Variants in CERS5 observed in about 807,000 individuals in gnomAD.
CERS5 encodes the protein LAG1 homolog, ceramide synthase 5.
A neutral mutation model predicts 58.9 loss-of-function variants in CERS5; 37 were observed. The ratio of observed to expected loss-of-function variants is 0.63; its 90% CI spans 0.48 to 0.83. CERS5 has a LOEUF of 0.83. CERS5 is among the 40% of genes least tolerant of loss of function. The pLI, the probability that CERS5 is intolerant of heterozygous loss-of-function variation, is 0.00. For synonymous variants in CERS5, 147 were observed against 177.8 expected, an observed-to-expected ratio of 0.83 and a Z score of 1.38; for missense variants, 398 against 489.3, an observed-to-expected ratio of 0.81 and a Z score of 1.76.
intron 1 of CERS5, among the ~76,000 whole-genome samples, chr12:50,157,632 T>G (rs1337380516): frequency 6.6e-6 from 1 of 152,072 alleles, no homozygotes; most frequent in Non-Finnish European, 1.5e-5. Context: ...TGACAAACAT[T>G]TCTGACATTA....
intron 9 of CERS5, 136 bp downstream of exon 9, chr12:50,134,410 A>G (rs1000950812): frequency 6.3e-7 from 1 of 1,599,468 alleles, no homozygotes; most frequent in African/African-American, 1.3e-5. Flanking sequence ...CGAAGAGGCG[A>G]AGACTTTGGA....
At chr12:50,153,683 G>C (rs952516549) in intron 1 of CERS5, 2 of 230,372 alleles carry the variant, frequency 8.7e-6, no homozygotes, top group Non-Finnish European at 1.8e-5. Context: ...GGCCAGGCAT[G>C]GTGGCTCACG....
chr12:50,162,609 C>CT (rs35326678), intron 1 of CERS5, among the ~76,000 whole-genome samples: 26,426 of 145,612 alleles, frequency 0.18, 2,531 homozygotes, highest in Non-Finnish European at 0.23. Context: ...CTCTCTCTCT[C>CT]TTTTTTTTTT....
chr12:50,162,184 C>CTTTTTTTTTTTTTTTTTTTTTT (rs75460499), intron 1 of CERS5, among the ~76,000 whole-genome samples: 2 of 129,368 alleles, frequency 1.5e-5, no homozygotes. Flanking sequence ...CTGATTTGTT[C>CTTTTTTTTTTTTTTTTTTTTTT]TTTTTTTTTT....
intron 2 of CERS5, 146 bp from the exon 3 acceptor site, chr12:50,143,350 G>T: frequency 2.2e-6 from 2 of 924,462 alleles, no homozygotes; most frequent in African/African-American, 1.7e-5. Context: ...GTCATTTTTA[G>T]TAAGAAATTT....
intron 1 of CERS5, chr12:50,144,668 A>C: frequency 3.2e-6 from 2 of 628,686 alleles, no homozygotes; most frequent in East Asian, 2.9e-5. Flanking sequence ...AGAAGAAAGA[A>C]ATCAGGAAGC....
Position 50,136,039 on chromosome 12 carries a change from C to A in CERS5, c.667G>T (p.Val223Phe). The change falls in exon 7 of 10, where the codon GTC (valine) becomes TTC (phenylalanine). Residue 223 changes from valine (V) to phenylalanine (F), a missense_variant. This residue lies in a region of CERS5 where 328 missense variants were observed against 384.5 expected (regional missense o/e 0.85). Coordinates refer to ENST00000317551, the MANE Select transcript of CERS5 (RefSeq NM_147190.5). The part of the protein sequence containing the change: ...DFLIMFVHHL[V>F]TIGLISFSYI... ...GAGAAGGAGATAAGCCCAATGGTGA[C>A]CAAGTGATGCACAAACATGATCAGG... 1.3e-6 allele frequency: 2 copies of A among 1,498,720 alleles called. No homozygotes were observed. Among genetic ancestry groups the A allele is most frequent in the Non-Finnish European group, 1.8e-6 (2 of 1,126,110 alleles). 92.8% of individuals were successfully genotyped at this position (1,498,720 alleles called of 1,614,324 possible). A position where few individuals can be genotyped will look rare whatever the true frequency, so the allele number is the denominator to read the frequency against.
chr12:50,130,343 A>C lies in CERS5; in HGVS notation c.*202T>G. The C allele has an allele frequency of 2.2e-6, 1 of 456,992 alleles. No individual in the cohort carries two copies. 28.3% of individuals were successfully genotyped at this position (456,992 alleles called of 1,614,324 possible). A position where few individuals can be genotyped will look rare whatever the true frequency, so the allele number is the denominator to read the frequency against. On this transcript the variant is annotated 3_prime_UTR_variant, in exon 10 of 10. Transcript: ENST00000317551. Reference sequence around the variant, plus strand: ...CAAACACACAAAAACACACAGAGCAAATAACATTACTGAAAGAACCTGGAG... The same window carrying C: ...CAAACACACAAAAACACACAGAGCACATAACATTACTGAAAGAACCTGGAG...
intron 5 of CERS5, 106 bp downstream of exon 5, chr12:50,138,461 A>G (rs1951803724): frequency 1.1e-6 from 1 of 941,926 alleles, no homozygotes. Context: ...CTAATCCCTC[A>G]ATCCCAAGGA....
intron 4 of CERS5, 93 bp from the exon 5 acceptor site, chr12:50,138,710 CA>C: frequency 9.1e-7 from 1 of 1,104,658 alleles, no homozygotes; most frequent in Non-Finnish European, 1.4e-6. Flanking sequence ...TAGGCTGGGG[CA>C]AAAGAGGACA....
chr12:50,150,522 AAGAAC>A lies in CERS5; in HGVS notation c.198-6470_198-6466del, dbSNP rs1937845356. Among the ~76,000 whole-genome samples the A allele has an allele frequency of 2.6e-5, 4 of 152,188 alleles. No individual in the cohort carries two copies. In the South Asian group the frequency reaches 6.2e-4, roughly 24 times the overall value. On this transcript the variant is annotated intron_variant, in intron 1 of 9. Coordinates refer to ENST00000317551, the MANE Select transcript of CERS5 (RefSeq NM_147190.5). Reference sequence around the variant, plus strand: ...TGGGTATGATATATATATAGAGAGAAAGAACAGAATATACGAATACAAATGAATGA... The same window carrying A: ...TGGGTATGATATATATATAGAGAGAAAGAATATACGAATACAAATGAATGA...
intron 1 of CERS5, among the ~76,000 whole-genome samples, chr12:50,163,117 T>A (rs1939489199): frequency 6.6e-6 from 1 of 152,152 alleles, no homozygotes; most frequent in African/African-American, 2.4e-5. Context: ...CAGGCTGATC[T>A]CAAAGTCCTG....
intron 1 of CERS5, among the ~76,000 whole-genome samples, chr12:50,147,092 A>G (rs1448603075): frequency 6.6e-6 from 1 of 151,974 alleles, no homozygotes; most frequent in Non-Finnish European, 1.5e-5. Context: ...AAAGGTTGGT[A>G]TTTGGTATAA....
chr12:50,158,223 G>A (rs1938876571), intron 1 of CERS5, among the ~76,000 whole-genome samples: 1 of 152,140 alleles, frequency 6.6e-6, no homozygotes, highest in African/African-American at 2.4e-5. Context: ...AAACCCACTT[G>A]TTCCTTTCAT....
chr12:50,133,580 T>C, intron 9 of CERS5: 3 of 985,200 alleles, frequency 3.0e-6, no homozygotes, highest in Non-Finnish European at 3.6e-6. Context: ...TATATGGTTC[T>C]GCATATGATT....
intron 9 of CERS5, chr12:50,134,218 A>AAAAT: frequency 2.6e-6 from 1 of 379,950 alleles, no homozygotes; most frequent in South Asian, 2.4e-5. Context: ...CTATCTACAA[A>AAAAT]AAATAAGAAA....
chr12:50,147,435 C>T (rs1404704430), intron 1 of CERS5: 2 of 151,230 alleles, frequency 1.3e-5, no homozygotes, highest in Non-Finnish European at 2.9e-5. Flanking sequence ...AAATAGGTAC[C>T]TAGGGTGGTC....
intron 4 of CERS5, 54 bp downstream of exon 4, chr12:50,141,999 G>T: frequency 2.0e-6 from 2 of 977,144 alleles, no homozygotes; most frequent in Non-Finnish European, 3.2e-6. Context: ...CTTACTTCTA[G>T]AGATCTAGGC....
chr12:50,165,384 A>T (rs1282323421), intron 1 of CERS5: 1 of 151,028 alleles, frequency 6.6e-6, no homozygotes, highest in Non-Finnish European at 1.5e-5. Flanking sequence ...GCGCCACTGC[A>T]CTCCAGCCTG....
Sources: gnomAD v4.1 joint callset for allele counts (sites outside exome capture counted in the v4.1 genomes callset) on GRCh38, gnomAD v4.1.1 for gene constraint, gnomAD v4.1.1 regional missense constraint, MANE v1.5 for transcripts, NCBI Gene and HGNC (gene_info 2026-07-23, HGNC 2026-07-21) for gene names.